The following CNGB3 variants were observed in gnomAD, a reference collection of about 807,000 sequenced individuals.
The protein encoded by CNGB3 is cyclic nucleotide gated channel subunit beta 3.
A neutral mutation model predicts 92.8 loss-of-function variants in CNGB3; 86 were observed. The ratio of observed to expected loss-of-function variants is 0.93; its 90% CI spans 0.78 to 1.11. The LOEUF (loss-of-function observed/expected upper bound fraction) is 1.11. Ranked by LOEUF, CNGB3 falls within the 50% of genes least tolerant of loss-of-function variation. The pLI is 0.00. For missense variants in CNGB3, 1,026 were observed against 956.8 expected, an observed-to-expected ratio of 1.07 and a Z score of -0.95; for synonymous variants, 333 against 332.7, an observed-to-expected ratio of 1.00 and a Z score of -0.01.
At chr8:86,743,106 A>G (rs1362529270) in intron 1 of CNGB3, among the ~76,000 whole-genome samples, 1 of 152,110 alleles carries the variant, frequency 6.6e-6, no homozygotes, top group Non-Finnish European at 1.5e-5. Flanking sequence ...TTGAGAGCCA[A>G]TAGGTTTCCT....
rs60107723 is a variant in CNGB3 at position 86,735,042 on chromosome 8, GTTTTTTTTTT to G, written c.211+4603_211+4612del. 1.2e-3 allele frequency among the ~76,000 whole-genome samples: 106 copies of G among 85,874 alleles called. 1 individual carries two copies. Among genetic ancestry groups the G allele is most frequent in the African/African-American group, 4.0e-3 (83 of 20,546 alleles). The allele number at this position is 85,874 out of a possible 152,430, so 56.3% of individuals were successfully genotyped here. A position where few individuals can be genotyped will look rare whatever the true frequency, so the allele number is the denominator to read the frequency against. ...CATGTCAAATTCTCAAATGCCGGTG[GTTTTTTTTTT>G]TTTTTTTTTTTTTTTTTTGTATGGT... On this transcript the variant is annotated intron_variant, in intron 2 of 17. Transcript: ENST00000320005.
chr8:86,731,123 T>C (rs1480529217), intron 2 of CNGB3, among the ~76,000 whole-genome samples: 1 of 152,162 alleles, frequency 6.6e-6, no homozygotes, highest in African/African-American at 2.4e-5. Context: ...TTATTTCATG[T>C]AGTCTAGAAG....
chr8:86,711,556 C>T (rs916355620), intron 3 of CNGB3, among the ~76,000 whole-genome samples: 1 of 152,138 alleles, frequency 6.6e-6, no homozygotes, highest in Non-Finnish European at 1.5e-5. Context: ...GAGCTGTCAT[C>T]TCTCCATGAT....
intron 7 of CNGB3, among the ~76,000 whole-genome samples, chr8:86,653,788 C>A (rs1041364241): frequency 6.6e-6 from 1 of 152,042 alleles, no homozygotes; most frequent in Non-Finnish European, 1.5e-5. Flanking sequence ...AATCTGGGCA[C>A]TAACTTATTT....
chr8:86,647,724 G>T (rs1451031365), intron 8 of CNGB3, 77 bp downstream of exon 8: 1 of 857,038 alleles, frequency 1.2e-6, no homozygotes, highest in Non-Finnish European at 2.0e-6. Context: ...ACTTTAAATT[G>T]TTTCAAGATT....
chr8:86,725,066 G>T (rs1363743375), intron 3 of CNGB3, among the ~76,000 whole-genome samples: 2 of 152,158 alleles, frequency 1.3e-5, no homozygotes, highest in Non-Finnish European at 2.9e-5. Context: ...TACTAGGAAT[G>T]AATACGGATT....
chr8:86,629,842 A>G (rs1057513241), intron 11 of CNGB3, among the ~76,000 whole-genome samples: 3 of 152,180 alleles, frequency 2.0e-5, no homozygotes, highest in Non-Finnish European at 4.4e-5. Context: ...TCTCAGCACA[A>G]AAAAGATATA....
intron 13 of CNGB3, among the ~76,000 whole-genome samples, chr8:86,617,014 C>G (rs556164998): frequency 6.6e-6 from 1 of 152,144 alleles, no homozygotes; most frequent in Non-Finnish European, 1.5e-5. Flanking sequence ...TAGAATGAAG[C>G]TGTTAGAAAT....
intron 3 of CNGB3, chr8:86,704,264 C>G (rs530602986): frequency 2.0e-5 from 3 of 152,328 alleles, no homozygotes; most frequent in South Asian, 4.1e-4. Context: ...AGGTCTGCAT[C>G]CAGTTGTCCT....
intron 15 of CNGB3, among the ~76,000 whole-genome samples, chr8:86,586,729 T>C (rs1207464903): frequency 6.7e-6 from 1 of 150,232 alleles, no homozygotes; most frequent in Non-Finnish European, 1.5e-5. Flanking sequence ...CTTAATCCAG[T>C]CTATCATTGT....
intron 15 of CNGB3, among the ~76,000 whole-genome samples, chr8:86,601,563 A>C (rs1234387139): frequency 6.6e-6 from 1 of 151,770 alleles, no homozygotes; most frequent in Non-Finnish European, 1.5e-5. Flanking sequence ...TAAAGGCTAC[A>C]TGATAGTGCT....
intron 12 of CNGB3, among the ~76,000 whole-genome samples, chr8:86,627,826 A>G (rs989491696): frequency 1.3e-5 from 2 of 152,126 alleles, no homozygotes; most frequent in Non-Finnish European, 2.9e-5. Flanking sequence ...CCCTTGAACA[A>G]CACGTGTTTG....
intron 3 of CNGB3, among the ~76,000 whole-genome samples, chr8:86,719,211 G>A (rs1824920217): frequency 6.6e-6 from 1 of 152,142 alleles, no homozygotes; most frequent in Non-Finnish European, 1.5e-5. Context: ...ATCCGTATCA[G>A]TAAAGAGGAA....
intron 15 of CNGB3, among the ~76,000 whole-genome samples, chr8:86,585,613 A>T (rs1427336530): frequency 6.6e-6 from 1 of 152,206 alleles, no homozygotes; most frequent in African/African-American, 2.4e-5. Context: ...AATTCATAAA[A>T]AAATGAACAC....
At chr8:86,580,575 C>T (rs148759359) in intron 15 of CNGB3, among the ~76,000 whole-genome samples, 1 of 152,310 alleles carries the variant, frequency 6.6e-6, no homozygotes, top group African/African-American at 2.4e-5. Flanking sequence ...TACATCTCCC[C>T]ACCTGGAATG....
chr8:86,733,221 G>A (rs920554011), intron 2 of CNGB3, among the ~76,000 whole-genome samples: 5 of 152,084 alleles, frequency 3.3e-5, no homozygotes, highest in Admixed American at 2.6e-4. Context: ...GGGTCAATTT[G>A]TTTAAGATAA....
intron 3 of CNGB3, among the ~76,000 whole-genome samples, chr8:86,685,419 G>A (rs7832818): frequency 0.2 from 30,814 of 151,986 alleles, 3,527 homozygotes; most frequent in South Asian, 0.3. Flanking sequence ...TTATATGCAC[G>A]TCGACGTTTG....
intron 3 of CNGB3, among the ~76,000 whole-genome samples, chr8:86,672,504 G>T (rs930939645): frequency 5.3e-5 from 8 of 152,132 alleles, no homozygotes; most frequent in Non-Finnish European, 1.2e-4. Context: ...ATTTCCCTCA[G>T]AGCTCTCACT....
intron 2 of CNGB3, among the ~76,000 whole-genome samples, chr8:86,728,881 C>T (rs1825110358): frequency 6.6e-6 from 1 of 151,988 alleles, no homozygotes. Flanking sequence ...AGAATCTGTA[C>T]TGTAAAACAT....
Sources: allele counts gnomAD v4.1 joint callset (sites outside exome capture counted in the v4.1 genomes callset), GRCh38; gene constraint gnomAD v4.1.1; transcripts MANE v1.5; gene names NCBI Gene and HGNC (gene_info 2026-07-23, HGNC 2026-07-21).